The following GPLD1 variants were observed in gnomAD, a reference collection of about 807,000 sequenced individuals.
GPLD1 encodes glycosylphosphatidylinositol specific phospholipase D1.
In GPLD1, 84 loss-of-function variants were observed where a neutral mutation model predicts 112.6. The ratio of observed to expected loss-of-function variants is 0.75; its 90% CI spans 0.63 to 0.89. The LOEUF is 0.89. GPLD1 is among the 40% of genes least tolerant of loss of function. The pLI is 0.00. For synonymous variants in GPLD1, 386 were observed against 403.8 expected (o/e 0.96, Z 0.53); for missense variants, 1,044 against 1,051.5 (o/e 0.99, Z 0.10).
At chr6:24,492,505 C>CAA (rs57089818), upstream of GPLD1, among the ~76,000 whole-genome samples, 5 of 81,498 alleles carry the variant, frequency 6.1e-5, no homozygotes, top group East Asian at 3.2e-4. Flanking sequence ...GACCCTGACT[C>CAA]AAAAAAAAAA....
rs142668439 is a variant in GPLD1, at chr6:24,456,594, C to T, written c.1052G>A (p.Arg351Lys). 241 of 1,599,400 alleles carry T rather than the reference C, an allele frequency of 1.5e-4. No individual in the cohort carries two copies. Among genetic ancestry groups the T allele is most frequent in the Non-Finnish European group, 1.6e-4 (192 of 1,166,900 alleles). The change falls in exon 13 of 25, where the codon AGG becomes AAG. Residue 351 changes from arginine (R) to lysine (K), a missense_variant. Coordinates refer to ENST00000230036, the MANE Select transcript of GPLD1 (RefSeq NM_001503.4). ...FIYKALERNI[R>K]TMFIGGSQLS... Reference sequence around the variant, plus strand: ...CTGAGAGCCACCTATGAACATTGTCCTTATGTTCCTTTCCAAAGCCTTGTA... The same window carrying T: ...CTGAGAGCCACCTATGAACATTGTCTTTATGTTCCTTTCCAAAGCCTTGTA...
chr6:24,479,449 A>T (rs927905783), intron 3 of GPLD1, among the ~76,000 whole-genome samples: 1 of 152,244 alleles, frequency 6.6e-6, no homozygotes, highest in African/African-American at 2.4e-5. Context: ...ACTGTGCATT[A>T]ATGCCAAGGA....
In GPLD1 at chr6:24,488,688, T is replaced by A. The variant is rs1764463991; in HGVS notation, c.97+727A>T. ...CTAATCATTTCACAAGGCATACATATATCAACACATCATGTTGTATATCTT... is the reference window on the plus strand; with the variant it reads ...CTAATCATTTCACAAGGCATACATAAATCAACACATCATGTTGTATATCTT... On this transcript the variant is annotated intron_variant, in intron 1 of 24. Coordinates refer to ENST00000230036, the MANE Select transcript of GPLD1 (RefSeq NM_001503.4). Among the ~76,000 whole-genome samples the A allele has an allele frequency of 2.6e-5, 4 of 152,318 alleles. No homozygotes were observed. In the South Asian group the frequency reaches 8.3e-4, roughly 32 times the overall value.
chr6:24,435,824 C>T (rs75713325), intron 22 of GPLD1: 1 of 32,898 alleles, frequency 3.0e-5, no homozygotes, highest in Admixed American at 4.1e-4. Flanking sequence ...GACGCTGTCT[C>T]AAAAAAAAAA....
Position 24,445,216 on chromosome 6 carries a change from C to G in GPLD1, c.2020+330G>C, listed in dbSNP as rs369253389. Among the ~76,000 whole-genome samples the G allele has an allele frequency of 9.2e-5, 14 of 151,990 alleles. No homozygotes were observed. In the East Asian group the frequency reaches 2.1e-3, roughly 23 times the overall value. On this transcript the variant is annotated intron_variant, in intron 20 of 24. Transcript: ENST00000230036. ...CTAATTTTTGTATTTTTAGTAGAGG[C>G]AAAGTTTCACCATGTTGCCAGGCTG...
At chr6:24,433,278 AGT>A (rs773348015) in intron 23 of GPLD1, 41 bp from the exon 24 acceptor site, 1 of 1,593,704 alleles carries the variant, frequency 6.3e-7, no homozygotes, top group Admixed American at 1.7e-5. Flanking sequence ...TGAAGAACAT[AGT>A]GTAATACTTT....
chr6:24,440,581 C>CA (rs58480061), intron 20 of GPLD1, among the ~76,000 whole-genome samples: 61,050 of 118,590 alleles, frequency 0.51, 15,461 homozygotes, highest in East Asian at 0.64. Context: ...AAAAAATACT[C>CA]AAAAAAAAAA....
At chr6:24,433,616 G>C (rs538473041) in intron 22 of GPLD1, 1 of 432,908 alleles carries the variant, frequency 2.3e-6, no homozygotes, top group Non-Finnish European at 4.1e-6. Flanking sequence ...CTTCAGCCTC[G>C]TGAGTTGATG....
rs1352009154 is a variant in GPLD1 at position 24,426,755 on chromosome 6, C to G, written c.*2277G>C. Among the ~76,000 whole-genome samples the G allele has an allele frequency of 2.0e-5, 3 of 152,144 alleles. No homozygotes were observed. Among genetic ancestry groups the G allele is most frequent in the Admixed American group, 6.5e-5 (1 of 15,272 alleles). On this transcript the variant is annotated 3_prime_UTR_variant, in exon 25 of 25. Coordinates refer to ENST00000230036, the MANE Select transcript of GPLD1 (RefSeq NM_001503.4). Reference sequence around the variant, plus strand: ...TGAATACAACTAAGTAATTTCTGGTCCCCTAAAAATAACCATCCTTTTAAT... The same window carrying G: ...TGAATACAACTAAGTAATTTCTGGTGCCCTAAAAATAACCATCCTTTTAAT...
At chr6:24,437,798 T>C (rs181827843) in intron 20 of GPLD1, among the ~76,000 whole-genome samples, 8 of 152,282 alleles carry the variant, frequency 5.3e-5, no homozygotes, top group African/African-American at 9.6e-5. Flanking sequence ...AGGCATATGC[T>C]CCGCGTGCTC....
chr6:24,438,395 C>T (rs1391805035), intron 20 of GPLD1, among the ~76,000 whole-genome samples: 1 of 152,134 alleles, frequency 6.6e-6, no homozygotes, highest in Non-Finnish European at 1.5e-5. Flanking sequence ...GGCTAGTGGC[C>T]CTCTGAGAAG....
At chr6:24,487,188 C>T (rs894130210) in intron 1 of GPLD1, among the ~76,000 whole-genome samples, 5 of 152,148 alleles carry the variant, frequency 3.3e-5, no homozygotes, top group Non-Finnish European at 5.9e-5. Flanking sequence ...AACCTGTGTA[C>T]AGGATTCCAG....
At chr6:24,479,373 T>C (rs1235762693) in intron 3 of GPLD1, among the ~76,000 whole-genome samples, 1 of 152,258 alleles carries the variant, frequency 6.6e-6, no homozygotes, top group Non-Finnish European at 1.5e-5. Flanking sequence ...CTTTTCATGT[T>C]TCTTTCCTCT....
Position 24,428,807 on chromosome 6 carries a change from G to C in GPLD1, c.*225C>G. The C allele has an allele frequency of 2.5e-6, 1 of 400,098 alleles. No individual in the cohort carries two copies. Among genetic ancestry groups the C allele is most frequent in the Non-Finnish European group, 4.4e-6 (1 of 225,352 alleles). 24.8% of individuals were successfully genotyped at this position (400,098 alleles called of 1,614,324 possible). A position where few individuals can be genotyped will look rare whatever the true frequency, so the allele number is the denominator to read the frequency against. ...AAACTGTGGAAGGAGACATGAGTAAGCAGAATGTCTGCTATTTCACATATT... is the reference window on the plus strand; with the variant it reads ...AAACTGTGGAAGGAGACATGAGTAACCAGAATGTCTGCTATTTCACATATT... On this transcript the variant is annotated 3_prime_UTR_variant, in exon 25 of 25. Transcript: ENST00000230036.
rs1202531290 is a variant in GPLD1 at position 24,476,270 on chromosome 6, G to A, written c.241C>T (p.His81Tyr). 49 of 1,532,832 alleles carry A rather than the reference G, an allele frequency of 3.2e-5. No individual in the cohort carries two copies. The highest frequency in any genetic ancestry group is 4.1e-5 in the Non-Finnish European group (46 of 1,123,024). The allele number at this position is 1,532,832 out of a possible 1,614,324, so 95.0% of individuals were successfully genotyped here. A position where few individuals can be genotyped will look rare whatever the true frequency, so the allele number is the denominator to read the frequency against. The change falls in exon 4 of 25, where the codon CAT (histidine) becomes TAT (tyrosine). Residue 81 changes from histidine to tyrosine, a missense_variant. Physicochemically the swap from His to Tyr is moderately conservative, Grantham distance 83. Coordinates refer to ENST00000230036, the MANE Select transcript of GPLD1 (RefSeq NM_001503.4). ...CAGTGAGTGCTCTCAGACACATCAT[G>A]GAATTTTCCTGACAAAACAAAAGCA... ...YPSICKGGKF[H>Y]DVSESTHWTP...
chr6:24,460,540 G>T (rs917727644), intron 11 of GPLD1, 141 bp from the exon 12 acceptor site: 8 of 783,848 alleles, frequency 1.0e-5, no homozygotes, highest in Non-Finnish European at 1.7e-5. Context: ...GAGCAACACA[G>T]AAAGTTTTAG....
At position 24,489,519 on chromosome 6, in the gene GPLD1, T is replaced by C. The variant is rs1371919633; in HGVS notation, c.-8A>G. On this transcript the variant is annotated 5_prime_UTR_variant, in exon 1 of 25. An upstream start codon of the reference 5' UTR is lost. Coordinates refer to ENST00000230036, the MANE Select transcript of GPLD1 (RefSeq NM_001503.4). ...CAACCTGAAAGCAGACATGATCTCA[T>C]TGCCCACCGGCTTCTCTGGTGACGT... 2 of 1,613,654 alleles carry C rather than the reference T, an allele frequency of 1.2e-6. No homozygotes were observed. The highest frequency in any genetic ancestry group is 1.3e-5 in the African/African-American group (1 of 74,880).
chr6:24,478,749 C>A (rs1764104595), intron 3 of GPLD1, among the ~76,000 whole-genome samples: 1 of 121,956 alleles, frequency 8.2e-6, no homozygotes, highest in South Asian at 2.6e-4. Context: ...AAGTGGTCCT[C>A]TTCATGCAGC....
intron 10 of GPLD1, among the ~76,000 whole-genome samples, chr6:24,463,566 C>G (rs537088210): frequency 1.1e-4 from 16 of 152,190 alleles, no homozygotes; most frequent in Non-Finnish European, 1.9e-4. Context: ...CTCTTTGGAC[C>G]TTTTCTTGTC....
Sources: allele counts gnomAD v4.1 joint callset (sites outside exome capture counted in the v4.1 genomes callset), GRCh38; gene constraint gnomAD v4.1.1; transcripts MANE v1.5; gene names NCBI Gene and HGNC (gene_info 2026-07-23, HGNC 2026-07-21).